Variants in PSME4 observed in about 807,000 individuals in gnomAD.
PSME4 encodes the protein proteasome activator subunit 4.
Under a neutral mutation model 253.9 loss-of-function variants are expected in PSME4, and 89 were observed. The observed-to-expected ratio is 0.35, with a 90% CI of 0.30 to 0.42. The LOEUF (loss-of-function observed/expected upper bound fraction) is 0.42. Among genes scored for constraint, PSME4 ranks in the 10% least tolerant of loss-of-function variants. The pLI, the probability that PSME4 is intolerant of heterozygous loss-of-function variation, is 1.00. For missense variants in PSME4, 2,014 were observed against 2,195.2 expected, an observed-to-expected ratio of 0.92 and a Z score of 1.65; for synonymous variants, 851 against 759.2, an observed-to-expected ratio of 1.12 and a Z score of -1.99.
chr2:53,970,602 C>A lies in PSME4; in HGVS notation c.183G>T (p.Arg61=), dbSNP rs745836550. ...QLAQIKCNLG[R]AVQLQELWPG... ...GCCACAGCTCTTGGAGCTGCACGGCCCGGCCCAGGTTGCATTTGATCTGGG... is the reference window on the plus strand; with the variant it reads ...GCCACAGCTCTTGGAGCTGCACGGCACGGCCCAGGTTGCATTTGATCTGGG... The change falls in exon 1 of 47, where the codon CGG becomes CGT. Residue 61 remains arginine (R), a synonymous_variant. Coordinates refer to ENST00000404125, the MANE Select transcript of PSME4 (RefSeq NM_014614.3). 22 of 1,549,718 alleles carry A rather than the reference C, an allele frequency of 1.4e-5. No individual in the cohort carries two copies. Among genetic ancestry groups the A allele is most frequent in the Non-Finnish European group, 1.9e-5 (22 of 1,146,966 alleles).
chr2:53,935,910 T>C (rs986428182), intron 7 of PSME4, among the ~76,000 whole-genome samples, 177 bp downstream of exon 7: 1 of 152,028 alleles, frequency 6.6e-6, no homozygotes, highest in African/African-American at 2.4e-5. Context: ...TTTTTTTTTT[T>C]CCAGATGGAG....
At chr2:53,902,195 G>A (rs143743010) in intron 27 of PSME4, among the ~76,000 whole-genome samples, 1,766 of 152,324 alleles carry the variant, frequency 0.012, 19 homozygotes, top group Non-Finnish European at 0.017. Context: ...CACAACATGT[G>A]TCACTCTTAA....
At chr2:53,922,172 A>AAAAAGAAAAGAAAAG (rs370610943) in intron 17 of PSME4, among the ~76,000 whole-genome samples, 4 of 151,920 alleles carry the variant, frequency 2.6e-5, no homozygotes, top group African/African-American at 9.7e-5. Context: ...AAAAAGAAGA[A>AAAAAGAAAAGAAAAG]AAAAGAAAAG....
At chr2:53,876,671 T>A (rs952461838) in intron 41 of PSME4, among the ~76,000 whole-genome samples, 1 of 150,946 alleles carries the variant, frequency 6.6e-6, no homozygotes, top group Non-Finnish European at 1.5e-5. Context: ...TAAAAGACTA[T>A]CATTATGAAT....
At chr2:53,898,473 G>A (rs1230120657) in intron 29 of PSME4, 119 bp from the exon 30 acceptor site, 1 of 716,916 alleles carries the variant, frequency 1.4e-6, no homozygotes, top group African/African-American at 1.8e-5. Flanking sequence ...CCCACCACCT[G>A]ACTGTAAACG....
chr2:53,923,610 A>G (rs1439977662), intron 14 of PSME4, among the ~76,000 whole-genome samples, 191 bp from the exon 15 acceptor site: 1 of 152,164 alleles, frequency 6.6e-6, no homozygotes, highest in Non-Finnish European at 1.5e-5. Flanking sequence ...TTTGCCCACG[A>G]TCCTAACTTG....
Position 53,926,972 on chromosome 2 carries a change from C to CA in PSME4, c.1593+421dup, listed in dbSNP as rs1215411502. On this transcript the variant is annotated intron_variant, in intron 12 of 46. Transcript: ENST00000404125. ...TGGGTGACATAACAAGACTCCATCT[C>CA]AAAAAAAAAAGAAAGAAAGAAAGAA... 1.5e-3 allele frequency among the ~76,000 whole-genome samples: 205 copies of CA among 139,906 alleles called. 1 individual carries two copies. The highest frequency in any genetic ancestry group is 4.3e-3 in the African/African-American group (160 of 37,470). The allele number at this position is 139,906 out of a possible 152,430, so 91.8% of individuals were successfully genotyped here.
In PSME4 at chr2:53,886,394, G is replaced by A. The variant is rs991514162; in HGVS notation, c.4730-619C>T. 7.9e-5 allele frequency among the ~76,000 whole-genome samples: 12 copies of A among 152,306 alleles called. 1 individual carries two copies. In the East Asian group the frequency reaches 2.3e-3, roughly 29 times the overall value. On this transcript the variant is annotated intron_variant, in intron 40 of 46. Coordinates refer to ENST00000404125, the MANE Select transcript of PSME4 (RefSeq NM_014614.3). ...AGAGTGAAAGGCAGCAGAGGGCTGG[G>A]TAATGAATGACATGAGTAGATATTT... is the stretch of plus-strand genomic sequence containing the variant.
Position 53,895,048 on chromosome 2 carries a change from C to G in PSME4, c.3871G>C (p.Glu1291Gln), listed in dbSNP as rs776970797. The G allele has an allele frequency of 3.7e-6, 6 of 1,612,640 alleles. No individual in the cohort carries two copies. The East Asian group carries it at 1.1e-4, about 30-fold the overall frequency. Residue 1291 changes from glutamate to glutamine, a missense_variant, in exon 34 of 47, where the codon GAG (glutamate) becomes CAG (glutamine). Glu to Gln is a conservative substitution (Grantham distance 29). Coordinates refer to ENST00000404125, the MANE Select transcript of PSME4 (RefSeq NM_014614.3). The part of the protein sequence containing the change: ...KNMVVYAGVE[E>Q]QPKLGRSRED... ...CTGCTTCTGCCAAGCTTAGGCTGCT[C>G]TTCCACACCAGCATAAACAACCATA...
At chr2:53,896,497 C>A (rs1162865663) in intron 32 of PSME4, among the ~76,000 whole-genome samples, 3 of 152,094 alleles carry the variant, frequency 2.0e-5, no homozygotes, top group African/African-American at 7.2e-5. Flanking sequence ...CCTAATCCCA[C>A]CACCCAAAGA....
intron 39 of PSME4, 75 bp downstream of exon 39, chr2:53,887,783 A>C: frequency 1.4e-6 from 2 of 1,448,136 alleles, no homozygotes; most frequent in Non-Finnish European, 1.9e-6. Flanking sequence ...ACCAGCATGT[A>C]TTATTACCTA....
chr2:53,894,365 C>T (rs114441969), intron 34 of PSME4, among the ~76,000 whole-genome samples: 2,032 of 152,154 alleles, frequency 0.013, 50 homozygotes, highest in African/African-American at 0.047. Flanking sequence ...TTGCCTTCCT[C>T]GGGTCGGGTA....
rs571833072 is a variant in PSME4 at position 53,933,375 on chromosome 2, C to CAAAAAAAAAAA, written c.958-626_958-616dup. ...CCTGGGCGATAGAGCGAGACCATCT[C>CAAAAAAAAAAA]AAAAAAAAAAAAAAAAAAAAAAAAA... On this transcript the variant is annotated intron_variant, in intron 8 of 46. Transcript: ENST00000404125. Among the ~76,000 whole-genome samples the CAAAAAAAAAAA allele has an allele frequency of 5.2e-3, 315 of 60,594 alleles. 51 individuals are homozygous for CAAAAAAAAAAA. The highest frequency in any genetic ancestry group is 0.02 in the African/African-American group (236 of 11,916). The allele number at this position is 60,594 out of a possible 152,430, so 39.8% of individuals were successfully genotyped here. A position where few individuals can be genotyped will look rare whatever the true frequency, so the allele number is the denominator to read the frequency against.
chr2:53,923,318 C>G lies in PSME4; in HGVS notation c.1908+3G>C. 6.3e-7 allele frequency: 1 copy of G among 1,593,894 alleles called. No homozygotes were observed. The highest frequency in any genetic ancestry group is 8.5e-7 in the Non-Finnish European group (1 of 1,174,350). Reference sequence around the variant, plus strand: ...ATACATCAGTTCAAAAAAATAAACTCACCTTTACAGCAGCGCGGCACATGT... The same window carrying G: ...ATACATCAGTTCAAAAAAATAAACTGACCTTTACAGCAGCGCGGCACATGT... On this transcript the variant is annotated splice_donor_region_variant and intron_variant, in intron 15 of 46. Coordinates refer to ENST00000404125, the MANE Select transcript of PSME4 (RefSeq NM_014614.3).
chr2:53,918,138 T>C (rs1011504870), intron 20 of PSME4, among the ~76,000 whole-genome samples: 14 of 152,338 alleles, frequency 9.2e-5, no homozygotes, highest in Middle Eastern at 3.4e-3. Flanking sequence ...TTTAACGTTT[T>C]TGTTGGAAAA....
intron 3 of PSME4, among the ~76,000 whole-genome samples, chr2:53,940,529 G>C (rs1272453914): frequency 1.3e-5 from 2 of 151,966 alleles, no homozygotes; most frequent in African/African-American, 4.8e-5. Context: ...AAAGTTAGTC[G>C]AGTAACATTA....
chr2:53,905,850 G>A (rs1478307383), intron 26 of PSME4, among the ~76,000 whole-genome samples: 1 of 152,140 alleles, frequency 6.6e-6, no homozygotes, highest in East Asian at 1.9e-4. Context: ...AAAATGCTCA[G>A]GACCAGAAAT....
At chr2:53,900,399 CAA>C (rs1553409464) in intron 28 of PSME4, among the ~76,000 whole-genome samples, 1 of 128,410 alleles carries the variant, frequency 7.8e-6, no homozygotes. Flanking sequence ...GTCTCTCTCT[CAA>C]AAAAAAAAAA....
intron 1 of PSME4, among the ~76,000 whole-genome samples, chr2:53,949,981 GAGA>G (rs1284221855): frequency 2.0e-5 from 3 of 152,132 alleles, no homozygotes; most frequent in South Asian, 4.1e-4. Flanking sequence ...TACTTCAATT[GAGA>G]CATAACCAGG....
Sources: gnomAD v4.1 joint callset for allele counts (sites outside exome capture counted in the v4.1 genomes callset) on GRCh38, gnomAD v4.1.1 for gene constraint, MANE v1.5 for transcripts, NCBI Gene and HGNC (gene_info 2026-07-23, HGNC 2026-07-21) for gene names.